Variants in BANK1 observed in about 807,000 individuals in gnomAD.
BANK1 encodes the protein B cell scaffold protein with ankyrin repeats 1.
A neutral mutation model predicts 94.5 loss-of-function variants in BANK1; 95 were observed. That is an observed-to-expected ratio of 1.00 (90% CI 0.85 to 1.19). The LOEUF is 1.19. BANK1 is among the 50% of genes most tolerant of loss of function. The pLI is 0.00. For missense variants in BANK1, 987 were observed against 932.2 expected, an observed-to-expected ratio of 1.06 and a Z score of -0.77; for synonymous variants, 334 against 308.4, an observed-to-expected ratio of 1.08 and a Z score of -0.87.
At chr4:102,053,493 A>ACTT (rs1396878147) in intron 11 of BANK1, among the ~76,000 whole-genome samples, 1 of 152,114 alleles carries the variant, frequency 6.6e-6, no homozygotes, top group Non-Finnish European at 1.5e-5. Flanking sequence ...TTGAGAAAAA[A>ACTT]CTTCAACTTA....
At chr4:101,921,462 A>C (rs1309857528) in intron 7 of BANK1, among the ~76,000 whole-genome samples, 1 of 151,964 alleles carries the variant, frequency 6.6e-6, no homozygotes, top group East Asian at 1.9e-4. Flanking sequence ...TTGAAAACAA[A>C]CTGGAACTTG....
At chr4:101,889,604 CAAAAAAAAAAAA>C (rs59341810) in intron 5 of BANK1, among the ~76,000 whole-genome samples, 3 of 54,914 alleles carry the variant, frequency 5.5e-5, no homozygotes, top group African/African-American at 1.4e-4. Context: ...GACTCCGTCT[CAAAAAAAAAAAA>C]AAAAAAAAAA....
intron 7 of BANK1, among the ~76,000 whole-genome samples, chr4:101,939,603 A>G (rs1218522333): frequency 1.3e-5 from 2 of 151,600 alleles, no homozygotes; most frequent in East Asian, 3.9e-4. Flanking sequence ...CTCTGCCCCA[A>G]AGTGACTAAC....
At chr4:102,002,637 A>G (rs2148937256) in intron 7 of BANK1, among the ~76,000 whole-genome samples, 1 of 152,154 alleles carries the variant, frequency 6.6e-6, no homozygotes, top group Non-Finnish European at 1.5e-5. Flanking sequence ...AGGTAAAATG[A>G]CTTGCTCAAG....
At chr4:101,794,089 G>T (rs544679267) in intron 1 of BANK1, among the ~76,000 whole-genome samples, 54 of 152,100 alleles carry the variant, frequency 3.6e-4, no homozygotes, top group Non-Finnish European at 2.9e-4. Context: ...TTCATAATGA[G>T]AAGAACTAAG....
intron 5 of BANK1, among the ~76,000 whole-genome samples, chr4:101,890,141 T>C (rs532310065): frequency 6.6e-6 from 1 of 152,204 alleles, no homozygotes; most frequent in East Asian, 1.9e-4. Context: ...CTGCTGTTAC[T>C]GGATGGAGTG....
chr4:102,029,440 T>C (rs968807856), intron 9 of BANK1, among the ~76,000 whole-genome samples: 2 of 151,308 alleles, frequency 1.3e-5, no homozygotes, highest in Non-Finnish European at 2.9e-5. Context: ...ACACAAGTTT[T>C]CAAAGCTGTG....
intron 7 of BANK1, among the ~76,000 whole-genome samples, chr4:101,991,627 A>G (rs1725709595): frequency 6.6e-6 from 1 of 152,200 alleles, no homozygotes; most frequent in African/African-American, 2.4e-5. Context: ...GTGGAACTGT[A>G]TCTAATTCAT....
At chr4:101,939,550 A>G (rs935703803) in intron 7 of BANK1, among the ~76,000 whole-genome samples, 3 of 151,694 alleles carry the variant, frequency 2.0e-5, no homozygotes, top group African/African-American at 4.8e-5. Context: ...ATGGCAGGGG[A>G]GTAGAGAGAC....
intron 1 of BANK1, among the ~76,000 whole-genome samples, chr4:101,820,020 T>C (rs2148858741): frequency 6.6e-6 from 1 of 152,314 alleles, no homozygotes; most frequent in South Asian, 2.1e-4. Flanking sequence ...TGACTCCTGC[T>C]CTATGTCATA....
intron 8 of BANK1, among the ~76,000 whole-genome samples, 182 bp from the exon 9 acceptor site, chr4:102,025,019 G>A (rs1346041918): frequency 6.6e-6 from 1 of 152,082 alleles, no homozygotes; most frequent in Non-Finnish European, 1.5e-5. Context: ...CATTTGGTAA[G>A]TATTTTAAAA....
At chr4:101,826,181 A>G (rs975814386) in intron 1 of BANK1, among the ~76,000 whole-genome samples, 1 of 152,056 alleles carries the variant, frequency 6.6e-6, no homozygotes, top group Non-Finnish European at 1.5e-5. Context: ...GCCTTCACAT[A>G]CTGTGCATAG....
In BANK1 at chr4:102,074,547, A is replaced by ACAT. The variant is rs1728861890; in HGVS notation, c.*549_*551dup. ...TGTCTATTTGCATATAACCCTGAAA[A>ACAT]CATTATTATTTGAAAACTTTTCTAT... On this transcript the variant is annotated 3_prime_UTR_variant, in exon 17 of 17. Transcript: ENST00000322953. 1.3e-5 allele frequency: 2 copies of ACAT among 152,090 alleles called. No homozygotes were observed. 9.4% of individuals were successfully genotyped at this position (152,090 alleles called of 1,614,324 possible). A position where few individuals can be genotyped will look rare whatever the true frequency, so the allele number is the denominator to read the frequency against.
At chr4:101,824,223 G>A (rs1333237605) in intron 1 of BANK1, among the ~76,000 whole-genome samples, 1 of 152,192 alleles carries the variant, frequency 6.6e-6, no homozygotes, top group African/African-American at 2.4e-5. Context: ...CTGCTGGGCA[G>A]GTGCACAGAC....
At chr4:101,811,586 T>G (rs918035276) in intron 1 of BANK1, among the ~76,000 whole-genome samples, 5 of 151,446 alleles carry the variant, frequency 3.3e-5, no homozygotes, top group Non-Finnish European at 4.4e-5. Context: ...ATTGTGTTTA[T>G]GGTTTTGTAA....
rs10013433 is a variant in BANK1 at position 101,873,077 on chromosome 4, A to G, written c.903+2433A>G. Reference sequence around the variant, plus strand: ...GCTGTACATTTCTTTTCCAGGTTAGAACATTTCAGTAATTGTTTCTTTCAT... The same window carrying G: ...GCTGTACATTTCTTTTCCAGGTTAGGACATTTCAGTAATTGTTTCTTTCAT... On this transcript the variant is annotated intron_variant, in intron 5 of 16. Coordinates refer to ENST00000322953, the MANE Select transcript of BANK1 (RefSeq NM_017935.5). Among the ~76,000 whole-genome samples, 961 of 151,794 alleles carry G rather than the reference A, an allele frequency of 6.3e-3. 11 individuals carry two copies. The highest frequency in any genetic ancestry group is 0.021 in the African/African-American group (888 of 41,320).
intron 9 of BANK1, among the ~76,000 whole-genome samples, chr4:102,027,942 A>G (rs1210104964): frequency 1.3e-5 from 2 of 152,108 alleles, no homozygotes; most frequent in Admixed American, 6.5e-5. Context: ...TCTCTTTTTT[A>G]TACAGTCTTG....
In BANK1 at chr4:101,931,072, A is replaced by G. The variant is rs944541245; in HGVS notation, c.1206+12883A>G. 4.0e-5 allele frequency among the ~76,000 whole-genome samples: 6 copies of G among 151,538 alleles called. No homozygotes were observed. In the South Asian group the frequency reaches 8.3e-4, roughly 21 times the overall value. On this transcript the variant is annotated intron_variant, in intron 7 of 16. Transcript: ENST00000322953. ...TGAGTTAAATTTAGTTATGGCTGTC[A>G]TGTACCTAACTTTTTAACACTGTCC...
At chr4:101,835,293 G>C (rs1726781225) in intron 2 of BANK1, among the ~76,000 whole-genome samples, 1 of 152,064 alleles carries the variant, frequency 6.6e-6, no homozygotes, top group South Asian at 2.1e-4. Context: ...CAGGATCCTG[G>C]CACCTCTCCA....
Sources: gnomAD v4.1 joint callset for allele counts (sites outside exome capture counted in the v4.1 genomes callset) on GRCh38, gnomAD v4.1.1 for gene constraint, MANE v1.5 for transcripts, NCBI Gene and HGNC (gene_info 2026-07-23, HGNC 2026-07-21) for gene names.